Variants in PCNX2 observed in about 807,000 individuals in gnomAD.
PCNX2 encodes the protein pecanex 2.
A neutral mutation model predicts 223.8 loss-of-function variants in PCNX2; 168 were observed. The observed-to-expected ratio is 0.75, with a 90% CI of 0.66 to 0.85. PCNX2 has a LOEUF of 0.85. Ranked by LOEUF, PCNX2 falls within the 40% of genes least tolerant of loss-of-function variation. The pLI is 0.00. For missense variants in PCNX2, 2,507 were observed against 2,675.5 expected (o/e 0.94, Z 1.39); for synonymous variants, 1,006 against 1,052.6 (o/e 0.96, Z 0.86).
intron 10 of PCNX2, among the ~76,000 whole-genome samples, chr1:233,221,143 A>G (rs1225672574): frequency 6.6e-6 from 1 of 152,156 alleles, no homozygotes; most frequent in Non-Finnish European, 1.5e-5. Flanking sequence ...ATAACATAGA[A>G]ATATATAGAA....
Position 233,227,323 on chromosome 1 carries a change from T to G in PCNX2, c.2407A>C (p.Lys803Gln). 1 of 1,613,714 alleles carries G rather than the reference T, an allele frequency of 6.2e-7. No individual in the cohort carries two copies. The highest frequency in any genetic ancestry group is 8.5e-7 in the Non-Finnish European group (1 of 1,179,752). The change falls in exon 10 of 34, where the codon AAA (lysine) becomes CAA (glutamine). Residue 803 changes from lysine to glutamine, a missense_variant. Lys to Gln is a moderately conservative substitution (Grantham distance 53). Around this residue, in one of 3 missense-constraint regions of PCNX2, gnomAD observed 1,031 missense variants for 1,021.7 expected, o/e 1.01. Transcript: ENST00000258229. ...TTGTAAAACTGCTCTCGGTTAAATTTTCCTTGTGTTGAAGAACATGACGAG... is the reference window on the plus strand; with the variant it reads ...TTGTAAAACTGCTCTCGGTTAAATTGTCCTTGTGTTGAAGAACATGACGAG... ...EASSCSSTQG[K>Q]FNREQFYKFI...
At chr1:233,070,965 G>A (rs980267905) in intron 23 of PCNX2, among the ~76,000 whole-genome samples, 17 of 152,144 alleles carry the variant, frequency 1.1e-4, no homozygotes, top group Non-Finnish European at 2.4e-4. Context: ...GAACCCGGGA[G>A]GCGGAGCTTG....
At chr1:233,315,239 A>G in the PCNX2 span, among the ~76,000 whole-genome samples, 1 of 152,236 alleles carries the variant, frequency 6.6e-6, no homozygotes, top group Non-Finnish European at 1.5e-5. Flanking sequence ...GTGCTTTAGA[A>G]ATGTCAGAAA....
At chr1:233,043,434 G>A (rs895196061) in intron 25 of PCNX2, among the ~76,000 whole-genome samples, 1 of 151,944 alleles carries the variant, frequency 6.6e-6, no homozygotes, top group East Asian at 1.9e-4. Flanking sequence ...ACTTTAAGTT[G>A]TAGGGTACAT....
At chr1:233,017,558 C>T (rs1322557575) in intron 26 of PCNX2, among the ~76,000 whole-genome samples, 6 of 151,994 alleles carry the variant, frequency 3.9e-5, no homozygotes, top group South Asian at 2.1e-4. Context: ...CCTCGTGATC[C>T]GCCCGCCTTG....
At chr1:233,245,613 T>G (rs926726988) in intron 8 of PCNX2, among the ~76,000 whole-genome samples, 3 of 152,164 alleles carry the variant, frequency 2.0e-5, no homozygotes, top group African/African-American at 7.2e-5. Context: ...GTCTGTGGTG[T>G]TGTTAAAAAA....
rs1255983492 is a variant in PCNX2, at chr1:233,288,062, A to G, written c.153+7264T>C. On this transcript the variant is annotated intron_variant, in intron 1 of 33. Transcript: ENST00000258229. ...ATGTGGAAAAATCTGAATACCATTAAAAGTGAGTCCATTTTCTTCTTGCAG... is the reference window on the plus strand; with the variant it reads ...ATGTGGAAAAATCTGAATACCATTAGAAGTGAGTCCATTTTCTTCTTGCAG... 3.3e-5 allele frequency among the ~76,000 whole-genome samples: 5 copies of G among 152,236 alleles called. No individual in the cohort carries two copies. In the East Asian group the frequency reaches 9.6e-4, roughly 29 times the overall value.
At chr1:233,271,675 T>A (rs1660646004) in intron 1 of PCNX2, among the ~76,000 whole-genome samples, 1 of 152,222 alleles carries the variant, frequency 6.6e-6, no homozygotes. Context: ...AGGATCCAGT[T>A]TCATTCTTCT....
chr1:233,115,223 T>A (rs969449786), intron 21 of PCNX2, among the ~76,000 whole-genome samples: 2 of 151,012 alleles, frequency 1.3e-5, no homozygotes, highest in African/African-American at 4.9e-5. Flanking sequence ...TTTGTGAAGG[T>A]TACAGCCCGG....
intron 10 of PCNX2, among the ~76,000 whole-genome samples, chr1:233,226,361 C>T (rs1657719201): frequency 6.6e-6 from 1 of 152,196 alleles, no homozygotes; most frequent in African/African-American, 2.4e-5. Context: ...CCTCCGCCTC[C>T]TGGGTTCAAG....
intron 21 of PCNX2, among the ~76,000 whole-genome samples, chr1:233,127,886 T>A (rs1676193584): frequency 6.6e-6 from 1 of 152,228 alleles, no homozygotes; most frequent in Non-Finnish European, 1.5e-5. Context: ...ACCCAGTAAG[T>A]GCTCAATGAA....
At position 233,227,293 on chromosome 1, in the gene PCNX2, T is replaced by A; in HGVS notation, c.2437A>T (p.Ile813Phe). The change falls in exon 10 of 34, where the codon ATC (isoleucine) becomes TTC (phenylalanine). Residue 813 changes from isoleucine to phenylalanine, a missense_variant. Around this residue, in one of 3 missense-constraint regions of PCNX2, gnomAD observed 1,031 missense variants for 1,021.7 expected, o/e 1.01. Transcript: ENST00000258229. ...TTAATCCACTTGCCAGGGAAAATGA[T>A]AAATTTGTAAAACTGCTCTCGGTTA... is the stretch of plus-strand genomic sequence containing the variant. ...KFNREQFYKF[I>F]IFPGKWIKVW... The A allele has an allele frequency of 6.2e-7, 1 of 1,613,516 alleles. No homozygotes were observed. The highest frequency in any genetic ancestry group is 2.2e-5 in the East Asian group (1 of 44,850).
intron 21 of PCNX2, among the ~76,000 whole-genome samples, chr1:233,114,355 G>C (rs1286350749): frequency 1.3e-5 from 2 of 152,222 alleles, no homozygotes; most frequent in Non-Finnish European, 2.9e-5. Flanking sequence ...ATCTGGCATA[G>C]TGGAGGAACT....
At chr1:233,048,142 G>GA (rs572271840) in intron 25 of PCNX2, among the ~76,000 whole-genome samples, 150 of 149,252 alleles carry the variant, frequency 1.0e-3, no homozygotes, top group African/African-American at 3.0e-3. Context: ...AGGCAAAAAT[G>GA]AAAAAAAAAA....
intron 19 of PCNX2, among the ~76,000 whole-genome samples, chr1:233,150,171 A>T (rs889564015): frequency 3.3e-5 from 5 of 152,152 alleles, no homozygotes; most frequent in Non-Finnish European, 7.3e-5. Context: ...AATCTCAGGT[A>T]ACACACCTGA....
rs535177046 is a variant in PCNX2, at chr1:233,204,714, T to G, written c.2863+3804A>C. 2.0e-4 allele frequency among the ~76,000 whole-genome samples: 30 copies of G among 152,370 alleles called. No individual in the cohort carries two copies. The South Asian group carries it at 6.2e-3, about 32-fold the overall frequency. ...CAACCTTTTCCTGCTCAGTGCAAAT[T>G]AGTATGTTTAACACATTCATTCCAT... On this transcript the variant is annotated intron_variant, in intron 13 of 33. Transcript: ENST00000258229.
chr1:233,235,957 A>AAAAAAT (rs369886650), intron 9 of PCNX2, among the ~76,000 whole-genome samples: 101 of 93,102 alleles, frequency 1.1e-3, no homozygotes, highest in East Asian at 6.4e-3. Flanking sequence ...CATAAAAAAA[A>AAAAAAT]ATATATATAT....
At chr1:233,239,911 C>G (rs547581019) in intron 8 of PCNX2, among the ~76,000 whole-genome samples, 1 of 152,190 alleles carries the variant, frequency 6.6e-6, no homozygotes, top group Non-Finnish European at 1.5e-5. Context: ...AAGACAGTCT[C>G]AAACAGCATA....
intron 25 of PCNX2, among the ~76,000 whole-genome samples, chr1:233,038,685 G>A (rs575029588): frequency 1.3e-5 from 2 of 152,338 alleles, no homozygotes; most frequent in East Asian, 1.9e-4. Context: ...CTAATGACCT[G>A]AATGTTGTCA....
Sources: gnomAD v4.1 joint callset for allele counts (sites outside exome capture counted in the v4.1 genomes callset) on GRCh38, gnomAD v4.1.1 for gene constraint, gnomAD v4.1.1 regional missense constraint, MANE v1.5 for transcripts, NCBI Gene and HGNC (gene_info 2026-07-23, HGNC 2026-07-21) for gene names.